Variants in C19orf44 observed in about 807,000 individuals in gnomAD.
C19orf44 encodes the protein chromosome 19 open reading frame 44.
In C19orf44, 43 loss-of-function variants were observed where a neutral mutation model predicts 50.7. The ratio of observed to expected loss-of-function variants is 0.85; its 90% confidence interval spans 0.66 to 1.09. C19orf44 has a LOEUF of 1.09. Ranked by LOEUF, C19orf44 falls within the 50% of genes least tolerant of loss-of-function variation. C19orf44 has a pLI of 0.00. For synonymous variants in C19orf44, 298 were observed against 334.7 expected (o/e 0.89, Z 1.20); for missense variants, 722 against 836.2 (o/e 0.86, Z 1.68).
At chr19:16,500,724 A>G (rs1051061120) in intron 1 of C19orf44, 68 bp from the exon 2 acceptor site, 1 of 1,438,214 alleles carries the variant, frequency 7.0e-7, no homozygotes, top group African/African-American at 1.4e-5. Context: ...TTTGCCAAGT[A>G]GGAGCCATTG....
chr19:16,509,585 G>A lies in C19orf44; in HGVS notation c.1236G>A (p.Gln412=). 1 of 1,614,000 alleles carries A rather than the reference G, an allele frequency of 6.2e-7. No individual in the cohort carries two copies. Among genetic ancestry groups the A allele is most frequent in the African/African-American group, 1.3e-5 (1 of 75,072 alleles). ...STGQDAPRQA[Q]ARSWASQGKA... ...GGCAGGATGCCCCGAGGCAGGCCCA[G>A]GCGAGGAGCTGGGCATCACAGGGAA... Residue 412 remains glutamine, a synonymous_variant, in exon 5 of 9, where the codon CAG becomes CAA. Transcript: ENST00000221671.
intron 3 of C19orf44, among the ~76,000 whole-genome samples, chr19:16,504,698 C>T (rs1188609291): frequency 6.6e-6 from 1 of 151,944 alleles, no homozygotes; most frequent in African/African-American, 2.4e-5. Context: ...CTCCCAGGTT[C>T]AAGTGATGCT....
intron 7 of C19orf44, among the ~76,000 whole-genome samples, chr19:16,515,569 G>T (rs560133090): frequency 2.7e-4 from 41 of 151,776 alleles, no homozygotes; most frequent in Admixed American, 2.4e-3. Flanking sequence ...TGCTCTTGTT[G>T]CCCAGGCTGG....
At chr19:16,501,913 T>A (rs1233009030) in intron 2 of C19orf44, among the ~76,000 whole-genome samples, 2 of 71,324 alleles carry the variant, frequency 2.8e-5, no homozygotes, top group Admixed American at 2.7e-4. Context: ...CTTTTTTGTA[T>A]TTTTTTTTTT....
At position 16,509,526 on chromosome 19, in the gene C19orf44, G is replaced by A. The variant is rs1233306304; in HGVS notation, c.1177G>A (p.Ala393Thr). The A allele has an allele frequency of 6.5e-7, 1 of 1,548,624 alleles. No homozygotes were observed. The highest frequency in any genetic ancestry group is 8.7e-7 in the Non-Finnish European group (1 of 1,151,774). ...GGAAAGTGCTCAGAGACAAAAAACA[G>A]CTGGCAAAATCTTCAGAGCCGAGGC... ...EEESAQRQKTAGKIFRAEAST... is the reference protein window; with the variant it reads ...EEESAQRQKTTGKIFRAEAST... The change falls in exon 5 of 9, where the codon GCT becomes ACT. Residue 393 changes from alanine to threonine, a missense_variant. Coordinates refer to ENST00000221671, the MANE Select transcript of C19orf44 (RefSeq NM_032207.4).
Position 16,520,321 on chromosome 19 carries a change from A to C in C19orf44, c.*268A>C. ...CAGCCAGGCGTCGTGGGGAGGCCAC[A>C]GGAAGAGGCCTCAGGCACTGCCCTG... On this transcript the variant is annotated 3_prime_UTR_variant, in exon 9 of 9. Coordinates refer to ENST00000221671, the MANE Select transcript of C19orf44 (RefSeq NM_032207.4). The surrounding 1 kb of genome is among the most constrained non-coding windows in gnomAD (Gnocchi z 4.0). 6.2e-7 allele frequency: 1 copy of C among 1,610,818 alleles called. No homozygotes were observed. The highest frequency in any genetic ancestry group is 8.5e-7 in the Non-Finnish European group (1 of 1,177,738).
chr19:16,520,653 T>A lies in C19orf44; in HGVS notation c.*600T>A. On this transcript the variant is annotated 3_prime_UTR_variant, in exon 9 of 9. Transcript: ENST00000221671. This position sits in a 1 kb window ranked among gnomAD's most constrained non-coding sequence, Gnocchi z 4.0. Reference sequence around the variant, plus strand: ...AGCCACAGCAACGGTACCAAGTTCCTAAATAGTGTGGCCGAGCCTGCTGCT... The same window carrying A: ...AGCCACAGCAACGGTACCAAGTTCCAAAATAGTGTGGCCGAGCCTGCTGCT... 8.5e-7 allele frequency: 1 copy of A among 1,176,726 alleles called. No homozygotes were observed. The highest frequency in any genetic ancestry group is 1.4e-5 in the South Asian group (1 of 72,918). 72.9% of individuals were successfully genotyped at this position (1,176,726 alleles called of 1,614,324 possible).
At chr19:16,501,627 T>C in intron 2 of C19orf44, 76 bp downstream of exon 2, 1 of 1,124,054 alleles carries the variant, frequency 8.9e-7, no homozygotes, top group Non-Finnish European at 1.1e-6. Context: ...AGTTTTGCTC[T>C]TGTTGCCCAG....
intron 5 of C19orf44, among the ~76,000 whole-genome samples, chr19:16,511,567 T>A (rs986421444): frequency 1.3e-5 from 2 of 151,934 alleles, no homozygotes; most frequent in African/African-American, 2.4e-5. Context: ...CATTCCCATG[T>A]TATTATTTTA....
chr19:16,515,837 C>T (rs1214399054), intron 7 of C19orf44, among the ~76,000 whole-genome samples: 1 of 152,042 alleles, frequency 6.6e-6, no homozygotes, highest in Non-Finnish European at 1.5e-5. Context: ...ACTCTTGTTG[C>T]CCAGGCTGGG....
chr19:16,502,589 G>T (rs999594431), intron 2 of C19orf44, among the ~76,000 whole-genome samples: 1 of 152,064 alleles, frequency 6.6e-6, no homozygotes, highest in Non-Finnish European at 1.5e-5. Context: ...ATTGTACTGT[G>T]ACTTTCAGAA....
chr19:16,510,704 C>T (rs1015739083), intron 5 of C19orf44, among the ~76,000 whole-genome samples: 3 of 152,048 alleles, frequency 2.0e-5, no homozygotes, highest in African/African-American at 7.3e-5. Context: ...GAATGAACAC[C>T]CTGGGTGACT....
chr19:16,500,756 G>A (rs373189022), intron 1 of C19orf44, 36 bp from the exon 2 acceptor site: 5 of 1,530,314 alleles, frequency 3.3e-6, no homozygotes, highest in Non-Finnish European at 4.4e-6. Flanking sequence ...CAAACAGCAG[G>A]TACTCTTATG....
chr19:16,497,535 G>T (rs374689834), intron 1 of C19orf44, among the ~76,000 whole-genome samples: 112 of 151,652 alleles, frequency 7.4e-4, no homozygotes, highest in African/African-American at 2.5e-3. Flanking sequence ...ATTGTTAGTA[G>T]AGACGGGGTT....
At chr19:16,502,916 G>A in intron 2 of C19orf44, 149 bp from the exon 3 acceptor site, 1 of 675,310 alleles carries the variant, frequency 1.5e-6, no homozygotes, top group Non-Finnish European at 2.5e-6. Context: ...CTTGAGCCCA[G>A]GATGTCGAGG....
intron 1 of C19orf44, among the ~76,000 whole-genome samples, chr19:16,500,312 C>T (rs2093421324): frequency 6.6e-6 from 1 of 151,802 alleles, no homozygotes; most frequent in African/African-American, 2.4e-5. Flanking sequence ...TCACACGTCA[C>T]CTTATTGCTC....
Position 16,520,876 on chromosome 19 carries a change from G to C in C19orf44, c.*823G>C. ...TCCGCCGGGCCCGCATTTTTGCTCG[G>C]AAGAACTCATAGAGGCCGTTCTGCT... On this transcript the variant is annotated 3_prime_UTR_variant, in exon 9 of 9. Coordinates refer to ENST00000221671, the MANE Select transcript of C19orf44 (RefSeq NM_032207.4). The surrounding 1 kb of genome is among the most constrained non-coding windows in gnomAD (Gnocchi z 4.0). 1 of 1,613,866 alleles carries C rather than the reference G, an allele frequency of 6.2e-7. No individual in the cohort carries two copies. Among genetic ancestry groups the C allele is most frequent in the Non-Finnish European group, 8.5e-7 (1 of 1,180,030 alleles).
At position 16,520,320 on chromosome 19, in the gene C19orf44, C is replaced by T. The variant is rs376499760; in HGVS notation, c.*267C>T. On this transcript the variant is annotated 3_prime_UTR_variant, in exon 9 of 9. Coordinates refer to ENST00000221671, the MANE Select transcript of C19orf44 (RefSeq NM_032207.4). This position sits in a 1 kb window ranked among gnomAD's most constrained non-coding sequence, Gnocchi z 4.0. Reference sequence around the variant, plus strand: ...GCAGCCAGGCGTCGTGGGGAGGCCACAGGAAGAGGCCTCAGGCACTGCCCT... The same window carrying T: ...GCAGCCAGGCGTCGTGGGGAGGCCATAGGAAGAGGCCTCAGGCACTGCCCT... 3 of 1,611,410 alleles carry T rather than the reference C, an allele frequency of 1.9e-6. No homozygotes were observed. The highest frequency in any genetic ancestry group is 2.2e-5 in the South Asian group (2 of 90,830).
intron 5 of C19orf44, 132 bp from the exon 6 acceptor site, chr19:16,512,880 ATG>A: frequency 2.9e-6 from 2 of 690,152 alleles, no homozygotes; most frequent in Admixed American, 3.0e-5. Context: ...AAAAAAAAAA[ATG>A]CAAGAGTGGC....
Sources: allele counts gnomAD v4.1 joint callset (sites outside exome capture counted in the v4.1 genomes callset), GRCh38; gene constraint gnomAD v4.1.1; non-coding constraint Gnocchi (gnomAD v3.1); transcripts MANE v1.5; gene names NCBI Gene and HGNC (gene_info 2026-07-23, HGNC 2026-07-21).